Variants in SUMF1 observed in about 807,000 individuals in gnomAD.
SUMF1 encodes the protein sulfatase modifying factor 1.
SUMF1 carries 48 observed loss-of-function variants against 47.6 expected under a neutral mutation model. The ratio of observed to expected loss-of-function variants is 1.01; its 90% confidence interval spans 0.80 to 1.28. The LOEUF is 1.28. Among genes scored for constraint, SUMF1 ranks in the 50% most tolerant of loss-of-function variants. The probability of loss-of-function intolerance (pLI) is 0.00; values close to 1 mark genes in which losing one functional copy is unlikely to be tolerated. For synonymous variants in SUMF1, 230 were observed against 192.1 expected (o/e 1.20, Z -1.63); for missense variants, 571 against 485.4 (o/e 1.18, Z -1.66).
At chr3:4,232,478 T>C (rs13091214) in intron 8 of SUMF1, among the ~76,000 whole-genome samples, 55,043 of 151,758 alleles carry the variant, frequency 0.36, 10,876 homozygotes, top group Non-Finnish European at 0.45. Flanking sequence ...TCAGATTCCA[T>C]AGAGAGACAA....
chr3:4,158,981 A>G (rs1312025988), intron 8 of SUMF1, among the ~76,000 whole-genome samples: 1 of 151,640 alleles, frequency 6.6e-6, no homozygotes, highest in Non-Finnish European at 1.5e-5. Context: ...CTTACATTCA[A>G]TGTTATTATT....
At chr3:4,115,637 G>C (rs1428585912) in intron 8 of SUMF1, among the ~76,000 whole-genome samples, 1 of 152,098 alleles carries the variant, frequency 6.6e-6, no homozygotes, top group African/African-American at 2.4e-5. Flanking sequence ...CTGCGAGGGG[G>C]ATAAGGGAAC....
chr3:4,212,532 A>G (rs894176755), intron 8 of SUMF1, among the ~76,000 whole-genome samples: 1 of 152,200 alleles, frequency 6.6e-6, no homozygotes, highest in Non-Finnish European at 1.5e-5. Context: ...ACTCGCCAAC[A>G]AGGGAGCAAA....
chr3:4,038,594 C>G (rs577911246), intron 9 of SUMF1, among the ~76,000 whole-genome samples: 2 of 152,172 alleles, frequency 1.3e-5, no homozygotes, highest in Non-Finnish European at 2.9e-5. Flanking sequence ...TGGGGCTCCA[C>G]TTGCTGGGGA....
At chr3:4,352,779 A>ATCTG in intron 8 of SUMF1, among the ~76,000 whole-genome samples, 1 of 151,196 alleles carries the variant, frequency 6.6e-6, no homozygotes, top group East Asian at 1.9e-4. Flanking sequence ...TGGCAGGGCC[A>ATCTG]TCTGTCTGTG....
intron 8 of SUMF1, among the ~76,000 whole-genome samples, chr3:4,178,159 G>C (rs1008750497): frequency 6.6e-6 from 1 of 152,120 alleles, no homozygotes; most frequent in African/African-American, 2.4e-5. Context: ...CCAATCAATA[G>C]AAAAAGAGGG....
At chr3:4,452,189 GA>G (rs1386551668) in intron 2 of SUMF1, among the ~76,000 whole-genome samples, 1 of 150,620 alleles carries the variant, frequency 6.6e-6, no homozygotes, top group Non-Finnish European at 1.5e-5. Context: ...GGTTTTTCGT[GA>G]GAGAAAACTG....
chr3:4,359,206 T>C (rs1263391806), downstream of SUMF1, among the ~76,000 whole-genome samples: 1 of 152,208 alleles, frequency 6.6e-6, no homozygotes, highest in Non-Finnish European at 1.5e-5. Flanking sequence ...TAGCTATCCA[T>C]AGTTTAGGGT....
chr3:4,105,368 A>T (rs1403354894), intron 8 of SUMF1, among the ~76,000 whole-genome samples: 1 of 152,132 alleles, frequency 6.6e-6, no homozygotes, highest in African/African-American at 2.4e-5. Flanking sequence ...AGTCTCCTTA[A>T]ATTTTCCTCA....
intron 2 of SUMF1, among the ~76,000 whole-genome samples, chr3:4,450,974 CAG>C (rs200213665): frequency 0.012 from 1,774 of 151,874 alleles, 29 homozygotes; most frequent in African/African-American, 0.041. Context: ...ATTAAAAAAA[CAG>C]AGCATTTTGT....
intron 3 of SUMF1, among the ~76,000 whole-genome samples, chr3:4,429,853 T>G (rs1702179824): frequency 6.6e-6 from 1 of 152,120 alleles, no homozygotes; most frequent in Non-Finnish European, 1.5e-5. Context: ...CTGGCACATC[T>G]CATCTCACCG....
intron 8 of SUMF1, among the ~76,000 whole-genome samples, chr3:4,109,975 C>T (rs560679000): frequency 3.1e-4 from 47 of 152,248 alleles, no homozygotes; most frequent in African/African-American, 1.1e-3. Flanking sequence ...TGAGGAGCTG[C>T]GTTCCTTTGG....
At chr3:4,372,749 T>C (rs1355046873) in intron 8 of SUMF1, among the ~76,000 whole-genome samples, 2 of 152,180 alleles carry the variant, frequency 1.3e-5, no homozygotes, top group African/African-American at 4.8e-5. Flanking sequence ...GAAACAGATA[T>C]AGAACTCCAA....
intron 8 of SUMF1, among the ~76,000 whole-genome samples, chr3:4,348,742 G>T (rs867798413): frequency 6.6e-6 from 1 of 152,032 alleles, no homozygotes; most frequent in Non-Finnish European, 1.5e-5. Context: ...AGGTGTGGTG[G>T]CACATGCCTG....
chr3:4,057,336 T>A (rs1180237909), intron 9 of SUMF1, among the ~76,000 whole-genome samples: 1 of 152,086 alleles, frequency 6.6e-6, no homozygotes, highest in African/African-American at 2.4e-5. Context: ...TCACCATCAC[T>A]CACTGCATAA....
intron 8 of SUMF1, among the ~76,000 whole-genome samples, chr3:4,237,802 T>C (rs1696441610): frequency 7.4e-6 from 1 of 135,704 alleles, no homozygotes; most frequent in Non-Finnish European, 1.7e-5. Context: ...TTTAAATACT[T>C]TAAGTGCTGG....
intron 3 of SUMF1, among the ~76,000 whole-genome samples, chr3:4,446,121 A>G (rs1702772360): frequency 1.3e-5 from 2 of 152,202 alleles, no homozygotes; most frequent in South Asian, 4.1e-4. Context: ...AAGTATCTCC[A>G]TTAATAAATG....
intron 8 of SUMF1, among the ~76,000 whole-genome samples, chr3:4,083,857 G>T (rs1383508466): frequency 2.0e-5 from 3 of 150,268 alleles, no homozygotes; most frequent in Non-Finnish European, 3.0e-5. Context: ...AAAAAAAAGA[G>T]CTTAGAAATG....
chr3:4,185,307 C>A (rs1036744336), intron 8 of SUMF1, among the ~76,000 whole-genome samples: 3 of 152,074 alleles, frequency 2.0e-5, no homozygotes, highest in Non-Finnish European at 4.4e-5. Context: ...GGCCAGTACA[C>A]CAAAATAACC....
Sources: allele counts gnomAD v4.1 joint callset (sites outside exome capture counted in the v4.1 genomes callset), GRCh38; gene constraint gnomAD v4.1.1; transcripts MANE v1.5; gene names NCBI Gene and HGNC (gene_info 2026-07-23, HGNC 2026-07-21).